LDHA: variants seen among roughly 807,000 people sequenced by gnomAD.
LDHA encodes lactate dehydrogenase A, also known as L-lactate dehydrogenase A chain.
Under a neutral mutation model 36.3 loss-of-function variants are expected in LDHA, and 10 were observed. That is an observed-to-expected ratio of 0.28 (90% CI 0.17 to 0.47). The LOEUF (loss-of-function observed/expected upper bound fraction) is 0.47. LDHA is among the 20% of genes least tolerant of loss of function. The pLI, the probability that LDHA is intolerant of heterozygous loss-of-function variation, is 0.99. For missense variants in LDHA, 267 were observed against 405.8 expected (o/e 0.66, Z 2.94); for synonymous variants, 110 against 136.7 (o/e 0.80, Z 1.36).
In LDHA at chr11:18,405,504, G is replaced by C; in HGVS notation, c.766G>C (p.Val256Leu). Residue 256 changes from valine (V) to leucine (L), a missense_variant, in exon 7 of 8, where the codon GTA becomes CTA. By Grantham distance (32) the Val-to-Leu change is conservative. Transcript: ENST00000422447. ...CACATCCTGGGCTATTGGACTCTCT[G>C]TAGCAGATTTGGCAGAGAGTATAAT... ...GYTSWAIGLS[V>L]ADLAESIMKN... 6.2e-7 allele frequency: 1 copy of C among 1,613,832 alleles called. No homozygotes were observed. Among genetic ancestry groups the C allele is most frequent in the Non-Finnish European group, 8.5e-7 (1 of 1,179,780 alleles).
At chr11:18,399,582 C>A in intron 3 of LDHA, 34 bp downstream of exon 3, 1 of 1,437,390 alleles carries the variant, frequency 7.0e-7, no homozygotes, top group African/African-American at 1.4e-5. Flanking sequence ...ATAATCCATG[C>A]TTGACTTAAA....
rs762356273 is a variant in LDHA, at chr11:18,399,554, T to C, written c.244+6T>C. 2 of 1,537,180 alleles carry C rather than the reference T, an allele frequency of 1.3e-6. No individual in the cohort carries two copies. Among genetic ancestry groups the C allele is most frequent in the South Asian group, 2.2e-5 (2 of 89,366 alleles). On this transcript the variant is annotated splice_donor_region_variant and intron_variant, in intron 3 of 7. Coordinates refer to ENST00000422447, the MANE Select transcript of LDHA (RefSeq NM_005566.4). ...AAAGATTGTCTCTGGCAAAGGTTGA[T>C]TTCAACAAGTTTATATTATAATCCA...
In LDHA at chr11:18,407,946, A is replaced by T; in HGVS notation, c.*665A>T. On this transcript the variant is annotated 3_prime_UTR_variant, in exon 8 of 8. Transcript: ENST00000422447. ...TAGGCTATTCTTGGGCAACCCTGCAACGATTTTTTCTAACAGGGATATTAT... is the reference window on the plus strand; with the variant it reads ...TAGGCTATTCTTGGGCAACCCTGCATCGATTTTTTCTAACAGGGATATTAT... 2.2e-6 allele frequency: 1 copy of T among 454,164 alleles called. No homozygotes were observed. Among genetic ancestry groups the T allele is most frequent in the South Asian group, 1.6e-5 (1 of 64,482 alleles). 28.1% of individuals were successfully genotyped at this position (454,164 alleles called of 1,614,324 possible).
chr11:18,401,546 T>G (rs981845978), intron 4 of LDHA, among the ~76,000 whole-genome samples: 2 of 145,084 alleles, frequency 1.4e-5, no homozygotes, highest in Non-Finnish European at 3.0e-5. Context: ...GGCTTGATCT[T>G]GGCTCACTGC....
rs61884347 is a variant in LDHA at position 18,404,317 on chromosome 11, G to A, written c.710+506G>A. ...CTAGCTACTTGAGAGGCTGAGGCAG[G>A]AGGATCGCATGAGCCTGGGAGGTCA... On this transcript the variant is annotated intron_variant, in intron 6 of 7. Transcript: ENST00000422447. Among the ~76,000 whole-genome samples, 1,120 of 152,210 alleles carry A rather than the reference G, an allele frequency of 7.4e-3. 3 individuals are homozygous for A. The highest frequency in any genetic ancestry group is 0.011 in the Non-Finnish European group (766 of 68,004).
chr11:18,400,185 T>C (rs1450008513), intron 3 of LDHA: 5 of 179,376 alleles, frequency 2.8e-5, no homozygotes, highest in African/African-American at 1.2e-4. Context: ...GGTAAATAAA[T>C]GAGCCTGTTC....
At chr11:18,399,960 G>C (rs1866424364) in intron 3 of LDHA, 1 of 195,998 alleles carries the variant, frequency 5.1e-6, no homozygotes, top group Non-Finnish European at 1.1e-5. Flanking sequence ...TAAATGCCGG[G>C]TGCAAGAGCC....
intron 1 of LDHA, 131 bp from the exon 2 acceptor site, chr11:18,396,688 T>G: frequency 2.2e-6 from 3 of 1,366,292 alleles, no homozygotes; most frequent in South Asian, 3.1e-5. Flanking sequence ...TTTTTTCCCC[T>G]CCCTTTTTAG....
intron 3 of LDHA, 34 bp from the exon 4 acceptor site, chr11:18,400,803 G>C (rs753669409): frequency 1.3e-6 from 2 of 1,572,226 alleles, no homozygotes; most frequent in Non-Finnish European, 1.8e-6. Flanking sequence ...TATTCTAAAG[G>C]CCTTAATCTG....
chr11:18,402,930 T>A lies in LDHA; in HGVS notation c.509T>A (p.Phe170Tyr), dbSNP rs767123470. The change falls in exon 5 of 8, where the codon TTC (phenylalanine) becomes TAC (tyrosine). Residue 170 changes from phenylalanine (F) to tyrosine (Y), a missense_variant. Physicochemically the swap from Phe to Tyr is conservative, Grantham distance 22. Transcript: ENST00000422447. ...GGTTGCAATCTGGATTCAGCCCGAT[T>A]CCGTTACCTAATGGGGGAAAGGCTG... ...GSGCNLDSARFRYLMGERLGV... is the reference protein window; with the variant it reads ...GSGCNLDSARYRYLMGERLGV... 2 of 1,612,974 alleles carry A rather than the reference T, an allele frequency of 1.2e-6. No individual in the cohort carries two copies. The highest frequency in any genetic ancestry group is 1.7e-5 in the Admixed American group (1 of 59,998).
intron 7 of LDHA, 187 bp downstream of exon 7, chr11:18,405,759 A>G (rs1309312161): frequency 3.3e-6 from 2 of 605,352 alleles, no homozygotes; most frequent in Admixed American, 2.8e-5. Context: ...AGGCCTGTTC[A>G]ACACATAGAT....
Position 18,402,986 on chromosome 11 carries a change from G to C in LDHA, c.565G>C (p.Val189Leu). The change falls in exon 5 of 8, where the codon GTC (valine) becomes CTC (leucine). Residue 189 changes from valine (V) to leucine (L), a missense_variant. By Grantham distance (32) the Val-to-Leu change is conservative. Transcript: ENST00000422447. ...TCACCCATTAAGCTGTCATGGGTGG[G>C]TCCTTGGGGAACATGGAGATTCCAG... ...GVHPLSCHGW[V>L]LGEHGDSSVP... is the part of the protein sequence containing the mutation. 1 of 1,613,500 alleles carries C rather than the reference G, an allele frequency of 6.2e-7. No homozygotes were observed. The highest frequency in any genetic ancestry group is 8.5e-7 in the Non-Finnish European group (1 of 1,179,460).
intron 2 of LDHA, chr11:18,398,853 A>G (rs1173660855): frequency 1.9e-5 from 3 of 160,560 alleles, no homozygotes; most frequent in African/African-American, 7.3e-5. Context: ...TGACCTCGTG[A>G]TCCGCCTACC....
At chr11:18,395,976 T>A (rs953167786) in intron 1 of LDHA, among the ~76,000 whole-genome samples, 4 of 152,252 alleles carry the variant, frequency 2.6e-5, no homozygotes, top group Admixed American at 2.0e-4. Context: ...AGTCTGGCGC[T>A]GGCTGCGCGC....
rs776649952 is a variant in LDHA at position 18,405,489 on chromosome 11, G to A, written c.751G>A (p.Ala251Thr). The A allele has an allele frequency of 1.9e-6, 3 of 1,613,448 alleles. No homozygotes were observed. The highest frequency in any genetic ancestry group is 2.5e-6 in the Non-Finnish European group (3 of 1,179,744). Residue 251 changes from alanine (A) to threonine (T), a missense_variant, in exon 7 of 8, where the codon GCT (alanine) becomes ACT (threonine). Ala to Thr is a moderately conservative substitution (Grantham distance 58). Transcript: ENST00000422447. ...VIKLKGYTSW[A>T]IGLSVADLAE... ...CAAACTCAAAGGCTACACATCCTGG[G>A]CTATTGGACTCTCTGTAGCAGATTT...
chr11:18,405,610 T>G, intron 7 of LDHA, 38 bp downstream of exon 7: 1 of 1,607,726 alleles, frequency 6.2e-7, no homozygotes, highest in Non-Finnish European at 8.5e-7. Flanking sequence ...TTGAATGCTT[T>G]TTGCTGGCTT....
At chr11:18,396,195 C>T (rs991693077) in intron 1 of LDHA, 7 of 232,346 alleles carry the variant, frequency 3.0e-5, no homozygotes, top group African/African-American at 1.6e-4. Context: ...CTAGACTAAT[C>T]GGCTTCGCCC....
Position 18,408,223 on chromosome 11 carries a change from G to T in LDHA, c.*942G>T, listed in dbSNP as rs1337459364. Reference sequence around the variant, plus strand: ...AAAAACAATCTTAAGGCAGGGTGCAGTGGCTCATGCCTATAATCCCAGCAC... The same window carrying T: ...AAAAACAATCTTAAGGCAGGGTGCATTGGCTCATGCCTATAATCCCAGCAC... On this transcript the variant is annotated 3_prime_UTR_variant, in exon 8 of 8. Coordinates refer to ENST00000422447, the MANE Select transcript of LDHA (RefSeq NM_005566.4). The T allele has an allele frequency of 6.6e-6, 3 of 453,976 alleles. No homozygotes were observed. Among genetic ancestry groups the T allele is most frequent in the Admixed American group, 2.3e-5 (1 of 42,556 alleles). The allele number at this position is 453,976 out of a possible 1,614,324, so 28.1% of individuals were successfully genotyped here. A position where few individuals can be genotyped will look rare whatever the true frequency, so the allele number is the denominator to read the frequency against.
rs1200339144 is a variant in LDHA at position 18,408,252 on chromosome 11, G to C, written c.*971G>C. The C allele has an allele frequency of 2.2e-6, 1 of 453,540 alleles. No homozygotes were observed. Among genetic ancestry groups the C allele is most frequent in the Non-Finnish European group, 4.4e-6 (1 of 226,614 alleles). The allele number at this position is 453,540 out of a possible 1,614,324, so 28.1% of individuals were successfully genotyped here. On this transcript the variant is annotated 3_prime_UTR_variant, in exon 8 of 8. Transcript: ENST00000422447. ...CTCATGCCTATAATCCCAGCACTTT[G>C]GGAAGCCCAGGTGGGCTGATCACTG... is the stretch of plus-strand genomic sequence containing the variant.
Sources: allele counts gnomAD v4.1 joint callset (sites outside exome capture counted in the v4.1 genomes callset), GRCh38; gene constraint gnomAD v4.1.1; transcripts MANE v1.5; gene names NCBI Gene and HGNC (gene_info 2026-07-23, HGNC 2026-07-21).